ANKFN1: variants seen among roughly 807,000 people sequenced by gnomAD.
ANKFN1 encodes ankyrin repeat and fibronectin type III domain containing 1.
Under a neutral mutation model 108.7 loss-of-function variants are expected in ANKFN1, and 74 were observed. The ratio of observed to expected loss-of-function variants is 0.68; its 90% CI spans 0.56 to 0.83. The LOEUF (loss-of-function observed/expected upper bound fraction) is 0.83, where lower values mean the gene tolerates loss of function less well. ANKFN1 is among the 40% of genes least tolerant of loss of function. The pLI is 0.00. For missense variants in ANKFN1, 1,505 were observed against 1,382.3 expected, an observed-to-expected ratio of 1.09 and a Z score of -1.41; for synonymous variants, 547 against 516.2, an observed-to-expected ratio of 1.06 and a Z score of -0.81.
intron 18 of ANKFN1, among the ~76,000 whole-genome samples, chr17:56,489,018 G>A (rs564315973): frequency 6.6e-6 from 1 of 152,328 alleles, no homozygotes; most frequent in South Asian, 2.1e-4. Flanking sequence ...CTGTGTTAGA[G>A]ATGAGAAAAG....
At chr17:56,172,839 C>T (rs1025668247) in intron 1 of ANKFN1, among the ~76,000 whole-genome samples, 1 of 152,188 alleles carries the variant, frequency 6.6e-6, no homozygotes. Context: ...AGGCCCATTT[C>T]AGGAAGTCCT....
At chr17:56,054,722 G>C (rs1204100208) in intron 4 of ANKFN1, among the ~76,000 whole-genome samples, 1 of 151,814 alleles carries the variant, frequency 6.6e-6, no homozygotes, top group Non-Finnish European at 1.5e-5. Context: ...GACCAGCCTG[G>C]GCAACAAAAA....
chr17:56,374,839 T>C lies in ANKFN1; in HGVS notation c.910+125T>C, dbSNP rs535781322. 4 of 727,578 alleles carry C rather than the reference T, an allele frequency of 5.5e-6. No homozygotes were observed. The African/African-American group carries it at 7.2e-5, about 13-fold the overall frequency. The allele number at this position is 727,578 out of a possible 1,614,324, so 45.1% of individuals were successfully genotyped here. A position where few individuals can be genotyped will look rare whatever the true frequency, so the allele number is the denominator to read the frequency against. ...AGGAATGTTTTTATCCCATTGACTT[T>C]TGAAGTTGAAATATTTCCATAGGCA... On this transcript the variant is annotated intron_variant, in intron 8 of 20. Coordinates refer to ENST00000682825, the MANE Select transcript of ANKFN1 (RefSeq NM_001370326.1).
chr17:56,254,035 T>G (rs1371985550), intron 3 of ANKFN1: 2 of 152,230 alleles, frequency 1.3e-5, no homozygotes, highest in Non-Finnish European at 2.9e-5. Flanking sequence ...GTCAAGAATT[T>G]GGGGAACAAA....
chr17:56,418,800 A>T (rs1268184511), intron 8 of ANKFN1, among the ~76,000 whole-genome samples: 1 of 100,276 alleles, frequency 1.0e-5, no homozygotes, highest in African/African-American at 5.3e-5. Context: ...TTTCTAAGTT[A>T]AAAAAAAAAA....
In ANKFN1 at chr17:56,511,186, C is replaced by CT. The variant is rs2051756628; in HGVS notation, c.3359dup (p.Pro1121AlafsTer97). 6.5e-7 allele frequency: 1 copy of CT among 1,535,906 alleles called. No homozygotes were observed. Among genetic ancestry groups the CT allele is most frequent in the African/African-American group, 1.4e-5 (1 of 73,060 alleles). ...CCCGCCCTCTGGAGGCCGCATCACC[C>CT]TGCCCAGCCCCACTGGCCCCGATGT... On this transcript the variant is annotated frameshift_variant, in exon 21 of 21. Transcript: ENST00000682825. LOFTEE classifies it low-confidence loss of function (END_TRUNC).
intron 4 of ANKFN1, among the ~76,000 whole-genome samples, chr17:56,118,231 T>C (rs941696784): frequency 6.6e-6 from 1 of 152,118 alleles, no homozygotes; most frequent in Middle Eastern, 3.2e-3. Flanking sequence ...TTTAATTTCT[T>C]CTGGATATAC....
At position 56,480,676 on chromosome 17, in the gene ANKFN1, G is replaced by A. The variant is rs1404613763; in HGVS notation, c.1949G>A (p.Trp650Ter). The A allele has an allele frequency of 6.2e-7, 1 of 1,613,726 alleles. No homozygotes were observed. The highest frequency in any genetic ancestry group is 1.3e-5 in the African/African-American group (1 of 74,994). The change falls in exon 17 of 21, where the codon TGG (tryptophan) becomes TAG (stop). Residue 650 changes from tryptophan to a stop codon, truncating the protein, a stop_gained. Transcript: ENST00000682825. LOFTEE classifies it high-confidence loss of function. ...CTTGACTCAACATACAGAGAGGAATGGGAATGGATCCAAAAGCTTTCTGGC... is the reference window on the plus strand; with the variant it reads ...CTTGACTCAACATACAGAGAGGAATAGGAATGGATCCAAAAGCTTTCTGGC... Reference protein sequence around the residue: ...RENNNISREEWEWIQKLSGSE... With the variant: ...RENNNISREE
In ANKFN1 at chr17:56,306,205, G is replaced by A. The variant is rs374119293; in HGVS notation, c.54-20016G>A. 7.2e-4 allele frequency among the ~76,000 whole-genome samples: 109 copies of A among 152,332 alleles called. 2 individuals carry two copies. The highest frequency in any genetic ancestry group is 2.5e-3 in the African/African-American group (106 of 41,572). On this transcript the variant is annotated intron_variant, in intron 3 of 20. Coordinates refer to ENST00000682825, the MANE Select transcript of ANKFN1 (RefSeq NM_001370326.1). Reference sequence around the variant, plus strand: ...ATACCTAAAAAACGTCTTGCTGAGAGTTTAAGAAGAATTGTATTAAATGTA... The same window carrying A: ...ATACCTAAAAAACGTCTTGCTGAGAATTTAAGAAGAATTGTATTAAATGTA...
intron 1 of ANKFN1, among the ~76,000 whole-genome samples, chr17:56,211,004 A>G (rs1914954080): frequency 1.3e-5 from 2 of 152,148 alleles, no homozygotes; most frequent in Admixed American, 1.3e-4. Flanking sequence ...GGATATTAGT[A>G]CTTTGTCAGA....
chr17:56,349,058 T>A (rs12937527), intron 4 of ANKFN1, among the ~76,000 whole-genome samples: 22,674 of 152,024 alleles, frequency 0.15, 2,152 homozygotes, highest in East Asian at 0.4. Context: ...TAAAAAGAAA[T>A]GAGATCATGT....
chr17:56,504,745 T>A (rs1049006728), intron 20 of ANKFN1, among the ~76,000 whole-genome samples: 1 of 151,890 alleles, frequency 6.6e-6, no homozygotes, highest in Non-Finnish European at 1.5e-5. Flanking sequence ...AACCTCTGAC[T>A]CCCAGGTTCA....
chr17:56,390,386 T>A (rs2047393389), intron 8 of ANKFN1, among the ~76,000 whole-genome samples: 1 of 152,216 alleles, frequency 6.6e-6, no homozygotes, highest in Non-Finnish European at 1.5e-5. Flanking sequence ...CTCATTCTTT[T>A]TTATGGCTGC....
chr17:56,190,106 T>G (rs1441508677), intron 1 of ANKFN1, among the ~76,000 whole-genome samples: 2 of 147,180 alleles, frequency 1.4e-5, no homozygotes, highest in Non-Finnish European at 3.0e-5. Context: ...CTCTCTTTTT[T>G]TCTTTATTAG....
intron 14 of ANKFN1, among the ~76,000 whole-genome samples, chr17:56,464,659 T>A (rs1222079505): frequency 6.6e-6 from 1 of 152,086 alleles, no homozygotes; most frequent in African/African-American, 2.4e-5. Context: ...GGGATTCCAA[T>A]TAGAGCAGTA....
At chr17:56,065,404 T>A (rs1392162411) in intron 4 of ANKFN1, among the ~76,000 whole-genome samples, 2 of 152,226 alleles carry the variant, frequency 1.3e-5, no homozygotes, top group African/African-American at 4.8e-5. Context: ...AGTAACACTT[T>A]TTATCTCCTT....
intron 6 of ANKFN1, among the ~76,000 whole-genome samples, chr17:56,364,116 G>T (rs2046597316): frequency 6.6e-6 from 1 of 152,084 alleles, no homozygotes; most frequent in Non-Finnish European, 1.5e-5. Context: ...ATATATTTGA[G>T]GTGATGAATA....
At chr17:56,405,073 G>A (rs1184542233) in intron 8 of ANKFN1, among the ~76,000 whole-genome samples, 1 of 152,214 alleles carries the variant, frequency 6.6e-6, no homozygotes, top group Non-Finnish European at 1.5e-5. Flanking sequence ...GTGGTGGGGG[G>A]TAGTGCAATG....
upstream of ANKFN1, among the ~76,000 whole-genome samples, chr17:56,149,476 T>A (rs2143431637): frequency 6.6e-6 from 1 of 152,262 alleles, no homozygotes. Context: ...GTATCATCAC[T>A]GTGAGAAAGG....
Sources: gnomAD v4.1 joint callset for allele counts (sites outside exome capture counted in the v4.1 genomes callset) on GRCh38, gnomAD v4.1.1 for gene constraint, MANE v1.5 for transcripts, NCBI Gene and HGNC (gene_info 2026-07-23, HGNC 2026-07-21) for gene names.